The following ENPP6 variants were observed in gnomAD, a reference collection of about 807,000 sequenced individuals.
ENPP6 encodes ectonucleotide pyrophosphatase/phosphodiesterase 6, also known as glycerophosphocholine cholinephosphodiesterase ENPP6.
In ENPP6, 32 loss-of-function variants were observed where a neutral mutation model predicts 42.0. The ratio of observed to expected loss-of-function variants is 0.76; its 90% CI spans 0.58 to 1.02. The LOEUF (loss-of-function observed/expected upper bound fraction) is 1.02, where lower values mean the gene tolerates loss of function less well. Among genes scored for constraint, ENPP6 ranks in the 50% least tolerant of loss-of-function variants. The pLI is 0.00. For missense variants in ENPP6, 552 were observed against 566.8 expected, an observed-to-expected ratio of 0.97 and a Z score of 0.27; for synonymous variants, 213 against 216.0, an observed-to-expected ratio of 0.99 and a Z score of 0.12.
chr4:184,127,276 A>G (rs1736519883), intron 2 of ENPP6, among the ~76,000 whole-genome samples: 1 of 152,214 alleles, frequency 6.6e-6, no homozygotes, highest in Admixed American at 6.5e-5. Flanking sequence ...ATGTGTGTTG[A>G]AATGTCTAGA....
intron 1 of ENPP6, among the ~76,000 whole-genome samples, chr4:184,200,570 C>A (rs1176360845): frequency 6.6e-6 from 1 of 152,350 alleles, no homozygotes; most frequent in East Asian, 1.9e-4. Flanking sequence ...TTTGTCTGGT[C>A]TTCTCACGCT....
chr4:184,148,221 G>A (rs913416385), intron 2 of ENPP6, among the ~76,000 whole-genome samples: 1 of 152,178 alleles, frequency 6.6e-6, no homozygotes, highest in East Asian at 1.9e-4. Flanking sequence ...GTTGTCTCCT[G>A]AGAGTTCATT....
chr4:184,131,181 CT>C lies in ENPP6; in HGVS notation c.422-6910del, dbSNP rs753717652. On this transcript the variant is annotated intron_variant, in intron 2 of 7. Coordinates refer to ENST00000296741, the MANE Select transcript of ENPP6 (RefSeq NM_153343.4). The stretch of plus-strand genomic sequence containing the variant: ...TCTTTCTTTCTTTCTTTCTTTCTTT[CT>C]TTCTTTCTTTCTTTCTTTCTTCTTT... Among the ~76,000 whole-genome samples, 6 of 60,470 alleles carry C rather than the reference CT, an allele frequency of 9.9e-5. 1 individual carries two copies. The highest frequency in any genetic ancestry group is 4.6e-4 in the African/African-American group (6 of 13,064). 39.7% of individuals were successfully genotyped at this position (60,470 alleles called of 152,430 possible). A position where few individuals can be genotyped will look rare whatever the true frequency, so the allele number is the denominator to read the frequency against.
At chr4:184,127,991 A>G (rs1449702043) in intron 2 of ENPP6, among the ~76,000 whole-genome samples, 2 of 152,196 alleles carry the variant, frequency 1.3e-5, no homozygotes, top group African/African-American at 4.8e-5. Context: ...CATTCTAGAT[A>G]TTGATTTAAA....
At chr4:184,124,369 A>G in intron 2 of ENPP6, 97 bp from the exon 3 acceptor site, 1 of 847,448 alleles carries the variant, frequency 1.2e-6, no homozygotes, top group Non-Finnish European at 1.9e-6. Context: ...GTCAAAATCA[A>G]AAATAAAAAT....
intron 2 of ENPP6, among the ~76,000 whole-genome samples, chr4:184,134,712 T>G (rs377060841): frequency 2.0e-5 from 3 of 152,090 alleles, no homozygotes; most frequent in Middle Eastern, 3.4e-3. Context: ...CTTTGTTGTA[T>G]GTTTATTTTC....
intron 1 of ENPP6, among the ~76,000 whole-genome samples, chr4:184,187,063 CAGAG>C (rs921839129): frequency 1.3e-5 from 2 of 152,176 alleles, no homozygotes; most frequent in Admixed American, 6.5e-5. Context: ...TCGTTCCACA[CAGAG>C]GGAGGGGAGG....
At chr4:184,157,349 C>T (rs928361387) in intron 1 of ENPP6, among the ~76,000 whole-genome samples, 1 of 152,188 alleles carries the variant, frequency 6.6e-6, no homozygotes, top group Non-Finnish European at 1.5e-5. Context: ...AGTGGTTCCT[C>T]CTTAAAGAAA....
At chr4:184,180,138 AAAAG>A (rs1221636712) in intron 1 of ENPP6, among the ~76,000 whole-genome samples, 1 of 152,152 alleles carries the variant, frequency 6.6e-6, no homozygotes, top group African/African-American at 2.4e-5. Context: ...AATAAAGAAG[AAAAG>A]AAAGAAGAAT....
At chr4:184,160,014 G>C (rs1477388898) in intron 1 of ENPP6, among the ~76,000 whole-genome samples, 1 of 152,042 alleles carries the variant, frequency 6.6e-6, no homozygotes, top group East Asian at 1.9e-4. Context: ...AGTATTCCAT[G>C]GTGTATATAT....
intron 5 of ENPP6, among the ~76,000 whole-genome samples, chr4:184,115,937 C>A (rs976836829): frequency 1.3e-5 from 2 of 152,080 alleles, no homozygotes; most frequent in African/African-American, 2.4e-5. Context: ...AGCCCTAGGC[C>A]GGGCACGGTG....
chr4:184,165,620 A>G (rs1319597335), intron 1 of ENPP6, among the ~76,000 whole-genome samples: 1 of 134,494 alleles, frequency 7.4e-6, no homozygotes, highest in Non-Finnish European at 1.6e-5. Context: ...TTATGCATCA[A>G]AGTTTACTGT....
chr4:184,175,668 G>A (rs1737548565), intron 1 of ENPP6, among the ~76,000 whole-genome samples: 1 of 152,186 alleles, frequency 6.6e-6, no homozygotes, highest in Admixed American at 6.5e-5. Flanking sequence ...TGGAAAGTTT[G>A]TGATGAGATC....
rs752722445 is a variant in ENPP6, at chr4:184,124,235, G to T, written c.459C>A (p.Tyr153Ter). Reference protein sequence around the residue: ...EVEILGVRPTYCLEYKNVPTD... With the variant: ...EVEILGVRPT ...TTGGGACATTTTTATATTCTAGGCA[G>T]TAGGTGGGTCTGACACCCAGAATCT... The change falls in exon 3 of 8, where the codon TAC becomes TAA. Residue 153 changes from tyrosine to a stop codon, truncating the protein, a stop_gained. Coordinates refer to ENST00000296741, the MANE Select transcript of ENPP6 (RefSeq NM_153343.4). LOFTEE classifies it high-confidence loss of function. The T allele has an allele frequency of 7.4e-6, 12 of 1,614,068 alleles. No individual in the cohort carries two copies. Among genetic ancestry groups the T allele is most frequent in the Non-Finnish European group, 9.3e-6 (11 of 1,179,958 alleles).
Position 184,089,358 on chromosome 4 carries a change from G to A in ENPP6, c.*1819C>T, listed in dbSNP as rs1341321413. The A allele has an allele frequency of 6.6e-6, 1 of 152,188 alleles. No homozygotes were observed. Among genetic ancestry groups the A allele is most frequent in the Non-Finnish European group, 1.5e-5 (1 of 68,042 alleles). 9.4% of individuals were successfully genotyped at this position (152,188 alleles called of 1,614,324 possible). On this transcript the variant is annotated 3_prime_UTR_variant, in exon 8 of 8. Coordinates refer to ENST00000296741, the MANE Select transcript of ENPP6 (RefSeq NM_153343.4). ...GTGAACGTTGATATTCAGTTTTCAA[G>A]GTAACACACCATATAAGGCCTCCAT...
chr4:184,091,695 C>G (rs1466951051), intron 7 of ENPP6, among the ~76,000 whole-genome samples: 1 of 151,968 alleles, frequency 6.6e-6, no homozygotes, highest in Non-Finnish European at 1.5e-5. Flanking sequence ...TTGCCTGAGC[C>G]CAGGAGTTTG....
At chr4:184,203,510 C>A (rs1237773712) in intron 1 of ENPP6, among the ~76,000 whole-genome samples, 6 of 152,030 alleles carry the variant, frequency 3.9e-5, no homozygotes, top group Admixed American at 3.3e-4. Flanking sequence ...TTAAGGTGGG[C>A]CCTAATTCAA....
At position 184,153,548 on chromosome 4, in the gene ENPP6, A is replaced by C; in HGVS notation, c.421+6T>G. 1 of 1,606,904 alleles carries C rather than the reference A, an allele frequency of 6.2e-7. No homozygotes were observed. Among genetic ancestry groups the C allele is most frequent in the Non-Finnish European group, 8.5e-7 (1 of 1,176,832 alleles). On this transcript the variant is annotated splice_donor_region_variant and intron_variant, in intron 2 of 7. Coordinates refer to ENST00000296741, the MANE Select transcript of ENPP6 (RefSeq NM_153343.4). ...TGAGATTTGGAATGGATGTTCACAC[A>C]CTCACCTGGCCAGTAGTACATGTAG...
intron 2 of ENPP6, among the ~76,000 whole-genome samples, chr4:184,131,599 G>C (rs1736636356): frequency 6.6e-6 from 1 of 150,894 alleles, no homozygotes; most frequent in Non-Finnish European, 1.5e-5. Flanking sequence ...CTTGACCTCA[G>C]GTGATCCACC....
Sources: allele counts gnomAD v4.1 joint callset (sites outside exome capture counted in the v4.1 genomes callset), GRCh38; gene constraint gnomAD v4.1.1; transcripts MANE v1.5; gene names NCBI Gene and HGNC (gene_info 2026-07-23, HGNC 2026-07-21).